Variants in DNAH12 observed in about 807,000 individuals in gnomAD.
DNAH12 encodes dynein axonemal heavy chain 12, also known as axonemal beta dynein heavy chain 12.
DNAH12 carries 285 observed loss-of-function variants against 371.5 expected under a neutral mutation model. That is an observed-to-expected ratio of 0.77 (90% CI 0.70 to 0.85). The LOEUF (loss-of-function observed/expected upper bound fraction) is 0.85, where lower values mean the gene tolerates loss of function less well. Ranked by LOEUF, DNAH12 falls within the 40% of genes least tolerant of loss-of-function variation. DNAH12 has a pLI of 0.00. For missense variants in DNAH12, 3,611 were observed against 3,689.4 expected (o/e 0.98, Z 0.55); for synonymous variants, 1,200 against 1,213.0 (o/e 0.99, Z 0.22).
chr3:57,488,089 G>A (rs1385666653), intron 12 of DNAH12, among the ~76,000 whole-genome samples: 1 of 151,854 alleles, frequency 6.6e-6, no homozygotes, highest in African/African-American at 2.4e-5. Context: ...GATATTTATT[G>A]GGCTCCTATT....
chr3:57,380,748 A>C (rs1180411402), intron 50 of DNAH12, among the ~76,000 whole-genome samples: 1 of 152,228 alleles, frequency 6.6e-6, no homozygotes, highest in Admixed American at 6.5e-5. Flanking sequence ...TACAGGCGTG[A>C]GCCACCATGC....
chr3:57,303,339 C>CAAA (rs1310949192), intron 69 of DNAH12, among the ~76,000 whole-genome samples: 50 of 61,370 alleles, frequency 8.1e-4, no homozygotes, highest in Non-Finnish European at 9.3e-4. Context: ...GACGCCAGCT[C>CAAA]AAAAAAAAAA....
chr3:57,496,476 A>G (rs2067328276), intron 11 of DNAH12, among the ~76,000 whole-genome samples: 4 of 152,198 alleles, frequency 2.6e-5, no homozygotes, highest in South Asian at 2.1e-4. Flanking sequence ...GCGCCCTCCC[A>G]TGATAAAAAC....
chr3:57,349,575 A>T (rs1426601654), intron 60 of DNAH12, among the ~76,000 whole-genome samples: 5 of 152,258 alleles, frequency 3.3e-5, no homozygotes, highest in Non-Finnish European at 7.3e-5. Flanking sequence ...AATGCCCATC[A>T]ATCAACAAGT....
chr3:57,502,787 C>T (rs1041839523), intron 9 of DNAH12, among the ~76,000 whole-genome samples: 3 of 152,186 alleles, frequency 2.0e-5, no homozygotes, highest in Non-Finnish European at 2.9e-5. Flanking sequence ...CCTCGTGATC[C>T]GCCCACCTCA....
chr3:57,410,990 T>C (rs1419444778), intron 39 of DNAH12, among the ~76,000 whole-genome samples: 1 of 152,034 alleles, frequency 6.6e-6, no homozygotes, highest in African/African-American at 2.4e-5. Flanking sequence ...CTCTCATGAC[T>C]TCTTTTCAAC....
chr3:57,324,933 C>G (rs1035986720), intron 62 of DNAH12, among the ~76,000 whole-genome samples: 6 of 152,240 alleles, frequency 3.9e-5, no homozygotes, highest in Non-Finnish European at 8.8e-5. Flanking sequence ...CCACATGGCT[C>G]AGAGGGTCCT....
chr3:57,489,375 C>A, intron 12 of DNAH12, 134 bp downstream of exon 12: 1 of 884,984 alleles, frequency 1.1e-6, no homozygotes, highest in Non-Finnish European at 1.6e-6. Context: ...AAAGGCACCT[C>A]TATAGGAGGC....
intron 2 of DNAH12, among the ~76,000 whole-genome samples, chr3:57,528,740 C>A (rs1451321262): frequency 2.6e-4 from 38 of 147,810 alleles, no homozygotes; most frequent in African/African-American, 7.8e-4. Context: ...AAAAAAAAAA[C>A]AATATTAATT....
intron 14 of DNAH12, among the ~76,000 whole-genome samples, 174 bp downstream of exon 14, chr3:57,472,372 T>G (rs1240823262): frequency 6.6e-6 from 1 of 152,174 alleles, no homozygotes; most frequent in Admixed American, 6.6e-5. Flanking sequence ...CCTTGTGAGT[T>G]AAGCCTAACA....
intron 62 of DNAH12, among the ~76,000 whole-genome samples, chr3:57,326,736 A>C (rs2061956851): frequency 6.6e-6 from 1 of 152,226 alleles, no homozygotes; most frequent in Non-Finnish European, 1.5e-5. Flanking sequence ...AAATGGACTA[A>C]ATGCTCCAAT....
intron 2 of DNAH12, among the ~76,000 whole-genome samples, chr3:57,540,998 C>T (rs2069254758): frequency 6.6e-6 from 1 of 151,730 alleles, no homozygotes; most frequent in Non-Finnish European, 1.5e-5. Flanking sequence ...TACTGAAACA[C>T]TGAATAGAAT....
At chr3:57,322,255 TTACAAAA>T in intron 65 of DNAH12, 81 bp downstream of exon 65, 1 of 1,306,334 alleles carries the variant, frequency 7.7e-7, no homozygotes, top group South Asian at 1.9e-5. Flanking sequence ...AATAAAAATG[TTACAAAA>T]GCATTATTAA....
At chr3:57,529,768 C>T (rs2068777072) in intron 2 of DNAH12, among the ~76,000 whole-genome samples, 2 of 151,986 alleles carry the variant, frequency 1.3e-5, no homozygotes, top group South Asian at 4.2e-4. Context: ...TTCTTTTCTT[C>T]AGCTAATTTT....
intron 11 of DNAH12, among the ~76,000 whole-genome samples, chr3:57,490,932 T>C (rs1329582478): frequency 1.5e-4 from 22 of 151,450 alleles, no homozygotes; most frequent in Admixed American, 1.4e-3. Flanking sequence ...CTACTAAAAC[T>C]ACAAAAATTA....
At chr3:57,404,779 A>G (rs2063974910) in intron 42 of DNAH12, among the ~76,000 whole-genome samples, 190 bp downstream of exon 42, 4 of 152,196 alleles carry the variant, frequency 2.6e-5, no homozygotes, top group Admixed American at 2.6e-4. Flanking sequence ...CGTATGACAC[A>G]GGATGCAGTG....
At chr3:57,436,361 CTA>C (rs1258440328) in intron 30 of DNAH12, among the ~76,000 whole-genome samples, 2 of 152,112 alleles carry the variant, frequency 1.3e-5, no homozygotes, top group African/African-American at 2.4e-5. Flanking sequence ...AGTTTAAACT[CTA>C]TTAGTTTCAC....
intron 14 of DNAH12, among the ~76,000 whole-genome samples, 166 bp from the exon 15 acceptor site, chr3:57,471,772 C>T (rs1267480653): frequency 2.0e-5 from 3 of 151,798 alleles, no homozygotes; most frequent in Admixed American, 1.3e-4. Context: ...AAGAATAAAC[C>T]ACACAGAAAA....
chr3:57,507,639 G>A lies in DNAH12; in HGVS notation c.897+4C>T, dbSNP rs2067810958. ...ATCATTTAATATATATAAAGTGTAT[G>A]TACCTGATTTGACATAAGTGTGGAA... is the stretch of plus-strand genomic sequence containing the variant. On this transcript the variant is annotated splice_donor_region_variant and intron_variant, in intron 8 of 73. Coordinates refer to ENST00000495027, the MANE Select transcript of DNAH12 (RefSeq NM_001366028.2). 6 of 1,587,874 alleles carry A rather than the reference G, an allele frequency of 3.8e-6. 1 individual carries two copies. In the East Asian group the frequency reaches 1.4e-4, roughly 36 times the overall value.
Sources: allele counts gnomAD v4.1 joint callset (sites outside exome capture counted in the v4.1 genomes callset), GRCh38; gene constraint gnomAD v4.1.1; transcripts MANE v1.5; gene names NCBI Gene and HGNC (gene_info 2026-07-23, HGNC 2026-07-21).